SH3D19: variants seen among roughly 807,000 people sequenced by gnomAD.
SH3D19 encodes SH3 domain containing 19.
SH3D19 carries 58 observed loss-of-function variants against 112.1 expected under a neutral mutation model. That is an observed-to-expected ratio of 0.52 (90% CI 0.42 to 0.64). The LOEUF (loss-of-function observed/expected upper bound fraction) is 0.64. SH3D19 is among the 30% of genes least tolerant of loss of function. The pLI is 0.00. For synonymous variants in SH3D19, 391 were observed against 448.5 expected (o/e 0.87, Z 1.62); for missense variants, 1,090 against 1,263.4 (o/e 0.86, Z 2.08).
chr4:151,236,605 G>A (rs1770072898), intron 1 of SH3D19, among the ~76,000 whole-genome samples: 1 of 151,682 alleles, frequency 6.6e-6, no homozygotes, highest in Non-Finnish European at 1.5e-5. Context: ...TCAGCGCTCT[G>A]TGTCTAGCTA....
At chr4:151,245,750 C>G (rs545210365) in intron 1 of SH3D19, among the ~76,000 whole-genome samples, 1 of 152,092 alleles carries the variant, frequency 6.6e-6, no homozygotes, top group African/African-American at 2.4e-5. Flanking sequence ...TACAGGCACG[C>G]GCCACCATGC....
intron 1 of SH3D19, chr4:151,278,927 CCAGT>C (rs1224446007): frequency 5.5e-6 from 1 of 183,062 alleles, no homozygotes; most frequent in Non-Finnish European, 1.1e-5. Context: ...GTCACTGTGC[CCAGT>C]CAATCTTACC....
At chr4:151,155,035 G>A (rs543554326) in intron 9 of SH3D19, among the ~76,000 whole-genome samples, 1 of 152,186 alleles carries the variant, frequency 6.6e-6, no homozygotes, top group Non-Finnish European at 1.5e-5. Context: ...TGGGATTACA[G>A]GTGTGAGCCA....
intron 1 of SH3D19, among the ~76,000 whole-genome samples, chr4:151,282,583 T>G (rs1277510960): frequency 1.3e-5 from 2 of 152,196 alleles, no homozygotes; most frequent in Non-Finnish European, 2.9e-5. Flanking sequence ...GACATTTATA[T>G]TTTTATGTTA....
At chr4:151,254,239 TAGA>T (rs1405153259) in intron 1 of SH3D19, among the ~76,000 whole-genome samples, 1 of 152,170 alleles carries the variant, frequency 6.6e-6, no homozygotes, top group Non-Finnish European at 1.5e-5. Context: ...AGTTTATGCT[TAGA>T]AGATTTAGTC....
chr4:151,159,777 G>A (rs985815736), intron 8 of SH3D19, among the ~76,000 whole-genome samples: 14 of 152,090 alleles, frequency 9.2e-5, no homozygotes, highest in Non-Finnish European at 1.9e-4. Context: ...TTCCTCAGTT[G>A]CACTAGCCAC....
In SH3D19 at chr4:151,246,053, A is replaced by AG. The variant is rs1554061634; in HGVS notation, c.113-19968_113-19967insC. 1.6e-3 allele frequency among the ~76,000 whole-genome samples: 191 copies of AG among 119,850 alleles called. 1 individual carries two copies. Among genetic ancestry groups the AG allele is most frequent in the Middle Eastern group, 4.4e-3 (1 of 226 alleles). 78.6% of individuals were successfully genotyped at this position (119,850 alleles called of 152,430 possible). A position where few individuals can be genotyped will look rare whatever the true frequency, so the allele number is the denominator to read the frequency against. ...CATTGAAGACATACAAAAAAAAAAA[A>AG]AAAGGCTGAAATATAAAGTATTTCC... On this transcript the variant is annotated intron_variant, in intron 1 of 19. Coordinates refer to ENST00000604030, the MANE Select transcript of SH3D19 (RefSeq NM_001378122.1).
intron 1 of SH3D19, among the ~76,000 whole-genome samples, chr4:151,276,381 C>T (rs1053654991): frequency 5.9e-5 from 9 of 152,146 alleles, no homozygotes; most frequent in African/African-American, 1.9e-4. Flanking sequence ...GGAGTGTTGG[C>T]TGCTGACAGT....
rs1749858581 is a variant in SH3D19 at position 151,128,246 on chromosome 4, C to T, written c.2853G>A (p.Leu951=). 6.2e-7 allele frequency: 1 copy of T among 1,614,182 alleles called. No homozygotes were observed. The highest frequency in any genetic ancestry group is 8.5e-7 in the Non-Finnish European group (1 of 1,180,020). ...GTCTGCCCCTGCACCAGTCAGAATC[C>T]AGACGTTCCAGAATCTGGATCCGGT... ...RGDRIQILER[L]DSDWCRGRLQ... is the part of the protein sequence containing the mutation. The change falls in exon 18 of 20, where the codon CTG becomes CTA. Residue 951 remains leucine (L), a synonymous_variant. Coordinates refer to ENST00000604030, the MANE Select transcript of SH3D19 (RefSeq NM_001378122.1).
chr4:151,197,760 G>A (rs1763690933), intron 2 of SH3D19, among the ~76,000 whole-genome samples: 1 of 150,108 alleles, frequency 6.7e-6, no homozygotes, highest in African/African-American at 2.4e-5. Flanking sequence ...AAACTAATAA[G>A]GGATAATAGT....
rs143253182 is a variant in SH3D19, at chr4:151,303,938, C to G, written c.112+21303G>C. ...AAGAGTATCCCTACCTTCTCTTGCT[C>G]TCTCATTTTTTTTTTTAAACTTGGG... is the stretch of plus-strand genomic sequence containing the variant. On this transcript the variant is annotated intron_variant, in intron 1 of 19. Coordinates refer to ENST00000604030, the MANE Select transcript of SH3D19 (RefSeq NM_001378122.1). Among the ~76,000 whole-genome samples the G allele has an allele frequency of 2.8e-5, 4 of 141,550 alleles. No homozygotes were observed. In the East Asian group the frequency reaches 8.8e-4, roughly 31 times the overall value. 92.9% of individuals were successfully genotyped at this position (141,550 alleles called of 152,430 possible). A position where few individuals can be genotyped will look rare whatever the true frequency, so the allele number is the denominator to read the frequency against.
chr4:151,266,494 C>T (rs1483776197), intron 1 of SH3D19, among the ~76,000 whole-genome samples: 5 of 152,170 alleles, frequency 3.3e-5, no homozygotes, highest in African/African-American at 9.6e-5. Context: ...TTTAGTTGCT[C>T]GACTCATATG....
At chr4:151,247,269 C>G (rs1169846403) in intron 1 of SH3D19, among the ~76,000 whole-genome samples, 4 of 152,136 alleles carry the variant, frequency 2.6e-5, no homozygotes, top group Non-Finnish European at 4.4e-5. Flanking sequence ...AAGGAACGAA[C>G]TGGAAGCCTT....
intron 3 of SH3D19, among the ~76,000 whole-genome samples, chr4:151,180,571 T>C (rs934399559): frequency 6.6e-6 from 1 of 151,660 alleles, no homozygotes; most frequent in Non-Finnish European, 1.5e-5. Flanking sequence ...CATGCCTGGC[T>C]AATTTTTTAT....
At chr4:151,275,850 T>TATTA (rs1031120584) in intron 1 of SH3D19, among the ~76,000 whole-genome samples, 2 of 39,016 alleles carry the variant, frequency 5.1e-5, no homozygotes, top group African/African-American at 1.1e-4. Context: ...TTATTATTAT[T>TATTA]TTTTTTTTTT....
At chr4:151,211,680 T>C (rs1452068681) in intron 2 of SH3D19, among the ~76,000 whole-genome samples, 1 of 151,966 alleles carries the variant, frequency 6.6e-6, no homozygotes, top group Non-Finnish European at 1.5e-5. Context: ...ATGAAGAAAG[T>C]TTTAGTGGTC....
chr4:151,202,067 A>T (rs1764474738), intron 2 of SH3D19, among the ~76,000 whole-genome samples: 2 of 150,178 alleles, frequency 1.3e-5, no homozygotes, highest in African/African-American at 2.5e-5. Flanking sequence ...TGAGTGTGGT[A>T]GCTCACGCCT....
chr4:151,194,865 C>G, intron 2 of SH3D19, among the ~76,000 whole-genome samples: 1 of 150,640 alleles, frequency 6.6e-6, no homozygotes, highest in African/African-American at 2.4e-5. Flanking sequence ...GCAGGTGGAT[C>G]GCCACAGGTC....
chr4:151,258,934 G>A (rs1458826596), intron 1 of SH3D19, among the ~76,000 whole-genome samples: 1 of 145,692 alleles, frequency 6.9e-6, no homozygotes, highest in African/African-American at 2.4e-5. Context: ...GGGATTTCGG[G>A]TGAGCCCCCA....
Sources: allele counts gnomAD v4.1 joint callset (sites outside exome capture counted in the v4.1 genomes callset), GRCh38; gene constraint gnomAD v4.1.1; transcripts MANE v1.5; gene names NCBI Gene and HGNC (gene_info 2026-07-23, HGNC 2026-07-21).